Variants in PCDHB1 observed in about 807,000 individuals in gnomAD.
PCDHB1 encodes the protein protocadherin beta 1.
In PCDHB1, 44 loss-of-function variants were observed where a neutral mutation model predicts 43.5. The ratio of observed to expected loss-of-function variants is 1.01; its 90% CI spans 0.79 to 1.30. PCDHB1 has a LOEUF of 1.30. Ranked by LOEUF, PCDHB1 falls within the 50% of genes most tolerant of loss-of-function variation. PCDHB1 has a pLI of 0.00. For synonymous variants in PCDHB1, 392 were observed against 400.8 expected (o/e 0.98, Z 0.26); for missense variants, 919 against 1,008.9 (o/e 0.91, Z 1.21).
rs2154005491 is a variant in PCDHB1, at chr5:141,052,968, T to C, written c.1498T>C (p.Ser500Pro). ...SLLPPKNGDL[S>P]VFAYISINSG... is the part of the protein sequence containing the mutation. ...GTTGCCTCCAAAAAACGGAGATCTT[T>C]CAGTCTTTGCTTACATATCCATAAA... is the stretch of plus-strand genomic sequence containing the variant. The change falls in exon 1 of 1, where the codon TCA becomes CCA. Residue 500 changes from serine to proline, a missense_variant. Physicochemically the swap from Ser to Pro is moderately conservative, Grantham distance 74. Transcript: ENST00000306549. The C allele has an allele frequency of 1.2e-6, 2 of 1,614,210 alleles. No homozygotes were observed. The highest frequency in any genetic ancestry group is 4.5e-5 in the East Asian group (2 of 44,880).
chr5:141,052,208 G>A lies in PCDHB1; in HGVS notation c.738G>A (p.Val246=). 17 of 1,614,186 alleles carry A rather than the reference G, an allele frequency of 1.1e-5. No individual in the cohort carries two copies. The highest frequency in any genetic ancestry group is 1.4e-5 in the Non-Finnish European group (17 of 1,180,034). Residue 246 remains valine (V), a synonymous_variant, in exon 1 of 1, where the codon GTG becomes GTA. Transcript: ENST00000306549. ...ACGTGCCCCAGTTCTCGCGACTGGT[G>A]TACAGAGCCCAGGTATCAGAGAACA... The part of the protein sequence containing the change: ...NDHVPQFSRL[V]YRAQVSENSP...
Position 141,052,913 on chromosome 5 carries a change from G to A in PCDHB1, c.1443G>A (p.Leu481=). The change falls in exon 1 of 1, where the codon TTG becomes TTA. Residue 481 remains leucine, a synonymous_variant. Transcript: ENST00000306549. ...IGKVHAEDLD[L]GENAQITYSL... is the part of the protein sequence containing the mutation. ...AAGTCCATGCTGAGGATCTTGATTT[G>A]GGTGAGAATGCCCAAATAACATATT... is the stretch of plus-strand genomic sequence containing the variant. The A allele has an allele frequency of 6.2e-7, 1 of 1,614,158 alleles. No homozygotes were observed. Among genetic ancestry groups the A allele is most frequent in the Non-Finnish European group, 8.5e-7 (1 of 1,180,026 alleles).
rs1453377798 is a variant in PCDHB1, at chr5:141,052,188, C to G, written c.718C>G (p.Pro240Ala). ...VVVLDVNDHV[P>A]QFSRLVYRAQ... is the part of the protein sequence containing the mutation. The stretch of plus-strand genomic sequence containing the variant: ...GGTTCTGGATGTCAACGACCACGTG[C>G]CCCAGTTCTCGCGACTGGTGTACAG... The change falls in exon 1 of 1, where the codon CCC (proline) becomes GCC (alanine). Residue 240 changes from proline to alanine, a missense_variant. Coordinates refer to ENST00000306549, the MANE Select transcript of PCDHB1 (RefSeq NM_013340.4). 2 of 1,614,062 alleles carry G rather than the reference C, an allele frequency of 1.2e-6. No homozygotes were observed. Among genetic ancestry groups the G allele is most frequent in the Admixed American group, 3.3e-5 (2 of 60,014 alleles).
rs1751007722 is a variant in PCDHB1 at position 141,052,419 on chromosome 5, A to G, written c.949A>G (p.Ile317Val). 2 of 1,614,230 alleles carry G rather than the reference A, an allele frequency of 1.2e-6. No individual in the cohort carries two copies. Among genetic ancestry groups the G allele is most frequent in the Non-Finnish European group, 1.7e-6 (2 of 1,180,036 alleles). The change falls in exon 1 of 1, where the codon ATT becomes GTT. Residue 317 changes from isoleucine (I) to valine (V), a missense_variant. By Grantham distance (29) the Ile-to-Val change is conservative. Transcript: ENST00000306549. The part of the protein sequence containing the change: ...LDFEAIETYD[I>V]DIQATDGGGL... ...TTTTGAAGCCATTGAAACATACGAC[A>G]TTGACATTCAAGCTACAGATGGTGG...
rs555051585 is a variant in PCDHB1, at chr5:141,052,641, C to G, written c.1171C>G (p.Pro391Ala). The stretch of plus-strand genomic sequence containing the variant: ...CACCTGCTTCCTCAGAGAAGACCTT[C>G]CCTTTGTAATCAAACCTACATTTGG... ...KVTCFLREDL[P>A]FVIKPTFGNS... is the part of the protein sequence containing the mutation. Residue 391 changes from proline to alanine, a missense_variant, in exon 1 of 1, where the codon CCC becomes GCC. By Grantham distance (27) the Pro-to-Ala change is conservative. Coordinates refer to ENST00000306549, the MANE Select transcript of PCDHB1 (RefSeq NM_013340.4). 4.6e-5 allele frequency: 75 copies of G among 1,614,112 alleles called. No homozygotes were observed. Among genetic ancestry groups the G allele is most frequent in the Non-Finnish European group, 5.8e-5 (69 of 1,180,016 alleles).
Position 141,054,964 on chromosome 5 carries a change from G to C in PCDHB1, c.*1037G>C, listed in dbSNP as rs184561520. 1 of 152,184 alleles carries C rather than the reference G, an allele frequency of 6.6e-6. No individual in the cohort carries two copies. Among genetic ancestry groups the C allele is most frequent in the East Asian group, 1.9e-4 (1 of 5,170 alleles). The allele number at this position is 152,184 out of a possible 1,614,324, so 9.4% of individuals were successfully genotyped here. On this transcript the variant is annotated 3_prime_UTR_variant, in exon 1 of 1. Coordinates refer to ENST00000306549, the MANE Select transcript of PCDHB1 (RefSeq NM_013340.4). Reference sequence around the variant, plus strand: ...ACCAGCCTCGGAAACCCAAAGCACTGGGATTACAGGCATAAGCCACCACGC... The same window carrying C: ...ACCAGCCTCGGAAACCCAAAGCACTCGGATTACAGGCATAAGCCACCACGC...
rs1554267433 is a variant in PCDHB1 at position 141,053,308 on chromosome 5, T to G, written c.1838T>G (p.Leu613Arg). ...TATCATCTACTTAAGGCCACTGACCTTGGGTTATTTTCTGTTCAAAGACAA... is the reference window on the plus strand; with the variant it reads ...TATCATCTACTTAAGGCCACTGACCGTGGGTTATTTTCTGTTCAAAGACAA... ...LSYHLLKATD[L>R]GLFSVQRQNG... Residue 613 changes from leucine to arginine, a missense_variant, in exon 1 of 1, where the codon CTT (leucine) becomes CGT (arginine). Leu to Arg is a moderately radical substitution (Grantham distance 102). Coordinates refer to ENST00000306549, the MANE Select transcript of PCDHB1 (RefSeq NM_013340.4). 3.1e-6 allele frequency: 5 copies of G among 1,614,220 alleles called. No individual in the cohort carries two copies. The highest frequency in any genetic ancestry group is 2.5e-6 in the Non-Finnish European group (3 of 1,180,026).
In PCDHB1 at chr5:141,051,539, A is replaced by G. The variant is rs1554267028; in HGVS notation, c.69A>G (p.Ile23Met). 1.2e-6 allele frequency: 2 copies of G among 1,614,210 alleles called. No homozygotes were observed. The highest frequency in any genetic ancestry group is 8.5e-7 in the Non-Finnish European group (1 of 1,180,034). ...QVGSLLIFLC[I>M]SVGDATTIRY... ...GATCTCTTCTCATTTTTCTGTGCAT[A>G]TCTGTGGGGGATGCGACAACTATCC... is the stretch of plus-strand genomic sequence containing the variant. Residue 23 changes from isoleucine (I) to methionine (M), a missense_variant, in exon 1 of 1, where the codon ATA becomes ATG. By Grantham distance (10) the Ile-to-Met change is conservative (BLOSUM62 1). Transcript: ENST00000306549.
chr5:141,052,990 T>C lies in PCDHB1; in HGVS notation c.1520T>C (p.Ile507Thr), dbSNP rs928695414. 21 of 1,614,042 alleles carry C rather than the reference T, an allele frequency of 1.3e-5. No homozygotes were observed. The highest frequency in any genetic ancestry group is 1.8e-5 in the Non-Finnish European group (21 of 1,180,024). Residue 507 changes from isoleucine to threonine, a missense_variant, in exon 1 of 1, where the codon ATA (isoleucine) becomes ACA (threonine). Physicochemically the swap from Ile to Thr is moderately conservative, Grantham distance 89. Coordinates refer to ENST00000306549, the MANE Select transcript of PCDHB1 (RefSeq NM_013340.4). ...CTTTCAGTCTTTGCTTACATATCCA[T>C]AAATTCAGGCAATGGGAAGCTCTAC... ...GDLSVFAYIS[I>T]NSGNGKLYAL... is the part of the protein sequence containing the mutation.
chr5:141,054,060 T>C lies in PCDHB1; in HGVS notation c.*133T>C. ...GTAAAGATAAGAGTACTTAGTTTGG[T>C]GAAAATGGGAAACCTAGAGTGAGGC... On this transcript the variant is annotated 3_prime_UTR_variant, in exon 1 of 1. Coordinates refer to ENST00000306549, the MANE Select transcript of PCDHB1 (RefSeq NM_013340.4). 1 of 730,564 alleles carries C rather than the reference T, an allele frequency of 1.4e-6. No individual in the cohort carries two copies. The highest frequency in any genetic ancestry group is 2.2e-6 in the Non-Finnish European group (1 of 453,660). The allele number at this position is 730,564 out of a possible 1,614,324, so 45.3% of individuals were successfully genotyped here.
At position 141,052,734 on chromosome 5, in the gene PCDHB1, A is replaced by G; in HGVS notation, c.1264A>G (p.Ile422Val). The stretch of plus-strand genomic sequence containing the variant: ...GGAGGTCTCAGGCTATAATATCACC[A>G]TTGTTGCCATGGATACTGGACCACC... The part of the protein sequence containing the change: ...REEVSGYNIT[I>V]VAMDTGPPSL... Residue 422 changes from isoleucine to valine, a missense_variant, in exon 1 of 1, where the codon ATT becomes GTT. Physicochemically the swap from Ile to Val is conservative, Grantham distance 29. Transcript: ENST00000306549. The G allele has an allele frequency of 6.2e-7, 1 of 1,614,124 alleles. No homozygotes were observed. Among genetic ancestry groups the G allele is most frequent in the Non-Finnish European group, 8.5e-7 (1 of 1,180,012 alleles).
At position 141,053,630 on chromosome 5, in the gene PCDHB1, T is replaced by C. The variant is rs1165557842; in HGVS notation, c.2160T>C (p.Tyr720=). The C allele has an allele frequency of 2.5e-6, 4 of 1,614,040 alleles. No homozygotes were observed. The highest frequency in any genetic ancestry group is 1.1e-5 in the South Asian group (1 of 91,084). Residue 720 remains tyrosine, a synonymous_variant, in exon 1 of 1, where the codon TAT becomes TAC. Coordinates refer to ENST00000306549, the MANE Select transcript of PCDHB1 (RefSeq NM_013340.4). ...TACATGTCTACCAAAAGATTAAATA[T>C]AGAGAAAAGTTCACAATTCAAGAGC... is the stretch of plus-strand genomic sequence containing the variant. ...FIIHVYQKIK[Y]REKFTIQEHF...
At position 141,051,674 on chromosome 5, in the gene PCDHB1, C is replaced by T. The variant is rs538415948; in HGVS notation, c.204C>T (p.Ser68=). 4.3e-6 allele frequency: 7 copies of T among 1,614,186 alleles called. No homozygotes were observed. In the South Asian group the frequency reaches 5.5e-5, roughly 13 times the overall value. ...CTGCGCGCGGGGCGCGGCTGGTTTC[C>T]GAGGGCAACAAAATGCATTTCCGGC... is the stretch of plus-strand genomic sequence containing the variant. ...KLAARGARLV[S]EGNKMHFRLH... The change falls in exon 1 of 1, where the codon TCC becomes TCT. Residue 68 remains serine, a synonymous_variant. Coordinates refer to ENST00000306549, the MANE Select transcript of PCDHB1 (RefSeq NM_013340.4).
chr5:141,058,581 A>G lies in PCDHB1; in HGVS notation c.*4654A>G, dbSNP rs1751178821. On this transcript the variant is annotated 3_prime_UTR_variant, in exon 1 of 1. Coordinates refer to ENST00000306549, the MANE Select transcript of PCDHB1 (RefSeq NM_013340.4). ...TTTTAAGTAATGTTAAGGTGATGTT[A>G]ATTTTGATCGCTTGGTTAACATAAT... 6.6e-6 allele frequency: 1 copy of G among 152,134 alleles called. No homozygotes were observed. Among genetic ancestry groups the G allele is most frequent in the African/African-American group, 2.4e-5 (1 of 41,432 alleles). The allele number at this position is 152,134 out of a possible 1,614,324, so 9.4% of individuals were successfully genotyped here.
Position 141,053,972 on chromosome 5 carries a change from A to G in PCDHB1, c.*45A>G. The G allele has an allele frequency of 6.6e-7, 1 of 1,505,080 alleles. No homozygotes were observed. The highest frequency in any genetic ancestry group is 1.2e-5 in the South Asian group (1 of 81,950). 93.2% of individuals were successfully genotyped at this position (1,505,080 alleles called of 1,614,324 possible). A position where few individuals can be genotyped will look rare whatever the true frequency, so the allele number is the denominator to read the frequency against. The stretch of plus-strand genomic sequence containing the variant: ...TGAGAGAAGAGAAGCAAAATTTTAT[A>G]CTTGGTATGCAAAGATGTTACATCC... On this transcript the variant is annotated 3_prime_UTR_variant, in exon 1 of 1. Coordinates refer to ENST00000306549, the MANE Select transcript of PCDHB1 (RefSeq NM_013340.4).
At position 141,051,443 on chromosome 5, in the gene PCDHB1, A is replaced by G; in HGVS notation, c.-28A>G. ...AGTATATCCGCAACAGTTGGCTCTG[A>G]TTGCAGAGAGCGCGCTTGTGAGAAC... On this transcript the variant is annotated 5_prime_UTR_variant, in exon 1 of 1. Coordinates refer to ENST00000306549, the MANE Select transcript of PCDHB1 (RefSeq NM_013340.4). 7 of 1,609,968 alleles carry G rather than the reference A, an allele frequency of 4.3e-6. No individual in the cohort carries two copies. The highest frequency in any genetic ancestry group is 5.9e-6 in the Non-Finnish European group (7 of 1,176,628).
rs782168171 is a variant in PCDHB1, at chr5:141,053,900, T to C, written c.2430T>C (p.His810=). Residue 810 remains histidine (H), a synonymous_variant, in exon 1 of 1, where the codon CAT becomes CAC. Coordinates refer to ENST00000306549, the MANE Select transcript of PCDHB1 (RefSeq NM_013340.4). The stretch of plus-strand genomic sequence containing the variant: ...ATAAGTCTCAGAGATTAGAGGGCCA[T>C]GACCAGGTATCTGATGACTATATGT... ...DRNKSQRLEG[H]DQVSDDYM The C allele has an allele frequency of 2.1e-5, 34 of 1,613,908 alleles. No individual in the cohort carries two copies. The highest frequency in any genetic ancestry group is 2.6e-5 in the Non-Finnish European group (31 of 1,179,914).
rs782109640 is a variant in PCDHB1 at position 141,053,070 on chromosome 5, G to A, written c.1600G>A (p.Ala534Thr). 6.2e-7 allele frequency: 1 copy of A among 1,614,180 alleles called. No individual in the cohort carries two copies. The highest frequency in any genetic ancestry group is 8.5e-7 in the Non-Finnish European group (1 of 1,180,036). Residue 534 changes from alanine (A) to threonine (T), a missense_variant, in exon 1 of 1, where the codon GCA (alanine) becomes ACA (threonine). Physicochemically the swap from Ala to Thr is moderately conservative, Grantham distance 58. Transcript: ENST00000306549. Reference protein sequence around the residue: ...AIQDFQFVVKATDGGFLSLSS... With the variant: ...AIQDFQFVVKTTDGGFLSLSS... ...TCAAGATTTTCAATTTGTGGTAAAG[G>A]CAACTGATGGGGGCTTCCTGTCACT...
rs1554267282 is a variant in PCDHB1 at position 141,052,676 on chromosome 5, C to T, written c.1206C>T (p.Tyr402=). The T allele has an allele frequency of 1.9e-6, 3 of 1,614,172 alleles. No homozygotes were observed. The highest frequency in any genetic ancestry group is 2.5e-6 in the Non-Finnish European group (3 of 1,180,028). The change falls in exon 1 of 1, where the codon TAC becomes TAT. Residue 402 remains tyrosine (Y), a synonymous_variant. Transcript: ENST00000306549. ...FVIKPTFGNS[Y]SLVTDRSLDR... ...TCAAACCTACATTTGGGAATTCTTA[C>T]TCACTGGTCACTGACAGAAGCTTGG...
Sources: allele counts gnomAD v4.1 joint callset, GRCh38; gene constraint gnomAD v4.1.1; transcripts MANE v1.5; gene names NCBI Gene and HGNC (gene_info 2026-07-23, HGNC 2026-07-21).